Variants in SCFD1 observed in about 807,000 individuals in gnomAD.
The protein encoded by SCFD1 is sec1 family domain-containing protein 1.
A neutral mutation model predicts 103.2 loss-of-function variants in SCFD1; 37 were observed. The ratio of observed to expected loss-of-function variants is 0.36; its 90% CI spans 0.28 to 0.47. SCFD1 has a LOEUF of 0.47. Among genes scored for constraint, SCFD1 ranks in the 20% least tolerant of loss-of-function variants. The probability of loss-of-function intolerance (pLI) is 1.00; values close to 1 mark genes in which losing one functional copy is unlikely to be tolerated. For missense variants in SCFD1, 639 were observed against 761.2 expected (o/e 0.84, Z 1.89); for synonymous variants, 264 against 245.0 (o/e 1.08, Z -0.73).
intron 4 of SCFD1, among the ~76,000 whole-genome samples, chr14:30,636,290 A>T (rs973486067): frequency 2.4e-4 from 36 of 149,820 alleles, no homozygotes; most frequent in African/African-American, 8.1e-4. Flanking sequence ...TGAGTTGCTT[A>T]TGCTTTTGGT....
intron 16 of SCFD1, among the ~76,000 whole-genome samples, chr14:30,701,682 A>C (rs570187497): frequency 8.5e-5 from 13 of 152,332 alleles, no homozygotes; most frequent in Middle Eastern, 3.4e-3. Context: ...CCCTTAATTT[A>C]ACCACATTAT....
chr14:30,622,792 C>T (rs1882987364), intron 1 of SCFD1, among the ~76,000 whole-genome samples: 2 of 152,314 alleles, frequency 1.3e-5, no homozygotes, highest in South Asian at 4.1e-4. Flanking sequence ...TTCTGACACT[C>T]AGAGAATTTA....
chr14:30,622,333 G>A lies in SCFD1; in HGVS notation c.-6G>A. ...CCCAGCCGGGCAGTGGCTCGTGGGA[G>A]CCAAGATGGCGGCGGCGGCGGCAGC... On this transcript the variant is annotated 5_prime_UTR_variant, in exon 1 of 25. Transcript: ENST00000458591. The A allele has an allele frequency of 6.3e-7, 1 of 1,581,910 alleles. No individual in the cohort carries two copies. Among genetic ancestry groups the A allele is most frequent in the Non-Finnish European group, 8.6e-7 (1 of 1,164,942 alleles).
At chr14:30,653,673 G>A in intron 10 of SCFD1, 85 bp downstream of exon 10, 1 of 917,202 alleles carries the variant, frequency 1.1e-6, no homozygotes, top group East Asian at 2.5e-5. Context: ...CATGGCTACA[G>A]AAACAAAAAT....
chr14:30,729,980 G>A (rs866817284), intron 23 of SCFD1, among the ~76,000 whole-genome samples: 1 of 152,064 alleles, frequency 6.6e-6, no homozygotes, highest in African/African-American at 2.4e-5. Context: ...TTTACGTTAG[G>A]TATATCTCCT....
At chr14:30,683,000 G>C in intron 14 of SCFD1, 1 of 988,644 alleles carries the variant, frequency 1.0e-6, no homozygotes, top group Non-Finnish European at 1.5e-6. Context: ...GACCATCTAA[G>C]GAAAAGTTAA....
intron 10 of SCFD1, among the ~76,000 whole-genome samples, chr14:30,663,322 A>C (rs1887613071): frequency 6.6e-6 from 1 of 152,344 alleles, no homozygotes; most frequent in South Asian, 2.1e-4. Flanking sequence ...TTAACTGTTT[A>C]AAGATGTTTC....
chr14:30,672,764 G>A (rs1286986708), intron 11 of SCFD1, among the ~76,000 whole-genome samples: 1 of 152,164 alleles, frequency 6.6e-6, no homozygotes, highest in East Asian at 1.9e-4. Flanking sequence ...TACCAGTAGT[G>A]TTCTGGGATA....
chr14:30,690,616 C>T lies in SCFD1; in HGVS notation c.1243-4157C>T, dbSNP rs1594706539. On this transcript the variant is annotated intron_variant, in intron 14 of 24. Coordinates refer to ENST00000458591, the MANE Select transcript of SCFD1 (RefSeq NM_016106.4). ...CCCTTTTTTTGACTCGGAAAGGGAA[C>T]TCCCTGACCCCTTGCGCTTCCCAGG... Among the ~76,000 whole-genome samples the T allele has an allele frequency of 1.4e-5, 2 of 145,714 alleles. 1 individual carries two copies. The highest frequency in any genetic ancestry group is 5.4e-5 in the African/African-American group (2 of 37,032).
At chr14:30,667,127 C>T (rs1888054682) in intron 10 of SCFD1, among the ~76,000 whole-genome samples, 2 of 152,168 alleles carry the variant, frequency 1.3e-5, no homozygotes, top group Admixed American at 1.3e-4. Flanking sequence ...GACCAATATC[C>T]CTGATGAACA....
At chr14:30,717,755 G>C (rs544159671) in intron 20 of SCFD1, among the ~76,000 whole-genome samples, 1 of 151,536 alleles carries the variant, frequency 6.6e-6, no homozygotes, top group Non-Finnish European at 1.5e-5. Flanking sequence ...ATGGTGGCAC[G>C]CACCTGTAAT....
chr14:30,656,277 T>G (rs1886889195), intron 10 of SCFD1, among the ~76,000 whole-genome samples: 1 of 152,166 alleles, frequency 6.6e-6, no homozygotes, highest in Non-Finnish European at 1.5e-5. Context: ...TATTTTTAAA[T>G]GACGGAAATT....
intron 16 of SCFD1, 52 bp from the exon 17 acceptor site, chr14:30,702,244 C>A: frequency 8.5e-7 from 1 of 1,182,540 alleles, no homozygotes; most frequent in Non-Finnish European, 1.2e-6. Flanking sequence ...CAACAAATAA[C>A]ATCTTTCTTG....
chr14:30,700,300 G>A, intron 16 of SCFD1, 42 bp downstream of exon 16: 1 of 1,191,282 alleles, frequency 8.4e-7, no homozygotes, highest in South Asian at 1.3e-5. Context: ...GGGAATGCTT[G>A]TTTGTAGACT....
intron 23 of SCFD1, among the ~76,000 whole-genome samples, chr14:30,732,321 T>C (rs1037264229): frequency 2.0e-5 from 3 of 152,250 alleles, no homozygotes; most frequent in Non-Finnish European, 2.9e-5. Context: ...CAGTACATTG[T>C]TGAATAGAAG....
At chr14:30,735,512 T>G in intron 24 of SCFD1, 74 bp from the exon 25 acceptor site, 1 of 1,052,236 alleles carries the variant, frequency 9.5e-7, no homozygotes, top group Non-Finnish European at 1.5e-6. Context: ...ATTAAGGGGT[T>G]TACAAATATG....
At chr14:30,718,103 C>A (rs1276681968) in intron 20 of SCFD1, among the ~76,000 whole-genome samples, 1 of 152,104 alleles carries the variant, frequency 6.6e-6, no homozygotes, top group Non-Finnish European at 1.5e-5. Context: ...TTGATTAGGG[C>A]AAGAATCATT....
rs1020869310 is a variant in SCFD1, at chr14:30,654,952, G to T, written c.855+1364G>T. On this transcript the variant is annotated intron_variant, in intron 10 of 24. Transcript: ENST00000458591. Reference sequence around the variant, plus strand: ...CAGGCTTTAGGAGGTCAAGTAAGAGGTGGGAGAGGAGGAATTCAGTTCTAC... The same window carrying T: ...CAGGCTTTAGGAGGTCAAGTAAGAGTTGGGAGAGGAGGAATTCAGTTCTAC... 2.0e-5 allele frequency among the ~76,000 whole-genome samples: 3 copies of T among 152,170 alleles called. No homozygotes were observed. The East Asian group carries it at 5.8e-4, about 29-fold the overall frequency.
At chr14:30,630,880 G>A (rs1884039373) in intron 3 of SCFD1, 2 of 262,634 alleles carry the variant, frequency 7.6e-6, no homozygotes, top group Admixed American at 1.0e-4. Flanking sequence ...GATTCTCCTT[G>A]ACCTACAATG....
Sources: gnomAD v4.1 joint callset for allele counts (sites outside exome capture counted in the v4.1 genomes callset) on GRCh38, gnomAD v4.1.1 for gene constraint, MANE v1.5 for transcripts, NCBI Gene and HGNC (gene_info 2026-07-23, HGNC 2026-07-21) for gene names.